TSHZ2: variants seen among roughly 807,000 people sequenced by gnomAD.
TSHZ2 encodes the protein teashirt homolog 2.
In TSHZ2, 21 loss-of-function variants were observed where a neutral mutation model predicts 74.4. The ratio of observed to expected loss-of-function variants is 0.28; its 90% CI spans 0.20 to 0.41. The LOEUF (loss-of-function observed/expected upper bound fraction) is 0.41. Among genes scored for constraint, TSHZ2 ranks in the 10% least tolerant of loss-of-function variants. The pLI is 1.00. For missense variants in TSHZ2, 1,244 were observed against 1,293.5 expected, an observed-to-expected ratio of 0.96 and a Z score of 0.59; for synonymous variants, 540 against 515.3, an observed-to-expected ratio of 1.05 and a Z score of -0.65.
chr20:53,098,627 CT>C (rs1213344015), intron 1 of TSHZ2, among the ~76,000 whole-genome samples: 1 of 152,192 alleles, frequency 6.6e-6, no homozygotes, highest in Non-Finnish European at 1.5e-5. Context: ...AAAAAATGAA[CT>C]GTCTCCAATT....
chr20:53,171,935 A>G (rs1988213184), intron 1 of TSHZ2, among the ~76,000 whole-genome samples: 1 of 152,208 alleles, frequency 6.6e-6, no homozygotes, highest in Admixed American at 6.5e-5. Context: ...TTATAGGTAG[A>G]GTAATAAGTC....
At chr20:53,043,152 G>A (rs990764816) in intron 1 of TSHZ2, among the ~76,000 whole-genome samples, 2 of 152,226 alleles carry the variant, frequency 1.3e-5, no homozygotes, top group Admixed American at 1.3e-4. Context: ...AAAGGTGAAT[G>A]TAAATTTGAT....
At chr20:52,984,396 C>T (rs898388854) in intron 1 of TSHZ2, among the ~76,000 whole-genome samples, 3 of 152,018 alleles carry the variant, frequency 2.0e-5, no homozygotes, top group African/African-American at 7.3e-5. Context: ...TTGGATAAGA[C>T]GATCAGGAAA....
intron 1 of TSHZ2, among the ~76,000 whole-genome samples, chr20:53,073,526 A>G (rs1985267405): frequency 6.6e-6 from 1 of 152,256 alleles, no homozygotes; most frequent in African/African-American, 2.4e-5. Context: ...TGAAGGTTAG[A>G]GTAATTTCTA....
chr20:53,491,481 C>T lies in TSHZ2; in HGVS notation c.*4346C>T, dbSNP rs1318455509. 1.3e-5 allele frequency: 2 copies of T among 152,190 alleles called. No homozygotes were observed. Among genetic ancestry groups the T allele is most frequent in the Non-Finnish European group, 2.9e-5 (2 of 68,032 alleles). 9.4% of individuals were successfully genotyped at this position (152,190 alleles called of 1,614,324 possible). On this transcript the variant is annotated 3_prime_UTR_variant, in exon 3 of 3. Transcript: ENST00000371497. ...AAACATTTTGAAACTTGTGAATCAT[C>T]TTTAGAATTTCTACTGGGGAATTTT...
rs567880792 is a variant in TSHZ2, at chr20:53,221,222, C to T, written c.41-32277C>T. ...TTGTCTTCTGCCATGATTGTGAGGC[C>T]CCCCCCGCCATGTAGAACTGTGAGT... is the stretch of plus-strand genomic sequence containing the variant. On this transcript the variant is annotated intron_variant, in intron 1 of 2. Coordinates refer to ENST00000371497, the MANE Select transcript of TSHZ2 (RefSeq NM_173485.6). Among the ~76,000 whole-genome samples the T allele has an allele frequency of 1.2e-4, 8 of 67,902 alleles. No individual in the cohort carries two copies. The East Asian group carries it at 1.5e-3, about 12-fold the overall frequency. 44.5% of individuals were successfully genotyped at this position (67,902 alleles called of 152,430 possible).
rs1983260565 is a variant in TSHZ2 at position 53,416,539 on chromosome 20, C to CTATA, written c.*9-70604_*9-70601dup. On this transcript the variant is annotated intron_variant, in intron 2 of 2. Coordinates refer to ENST00000371497, the MANE Select transcript of TSHZ2 (RefSeq NM_173485.6). ...TGGGCTAAATCCTACCCAGCACCTG[C>CTATA]TATAAAGTTTCAGGGCACAGTCACA... is the stretch of plus-strand genomic sequence containing the variant. Among the ~76,000 whole-genome samples the CTATA allele has an allele frequency of 2.0e-5, 3 of 152,184 alleles. No individual in the cohort carries two copies. In the South Asian group the frequency reaches 6.2e-4, roughly 31 times the overall value.
At chr20:53,052,599 G>A (rs1984510627) in intron 1 of TSHZ2, among the ~76,000 whole-genome samples, 2 of 152,176 alleles carry the variant, frequency 1.3e-5, no homozygotes, top group South Asian at 4.1e-4. Context: ...ACATCTTCAA[G>A]GTTCTGTGAT....
At chr20:53,386,373 G>A (rs1048101886) in intron 2 of TSHZ2, among the ~76,000 whole-genome samples, 35 of 152,162 alleles carry the variant, frequency 2.3e-4, no homozygotes, top group Non-Finnish European at 5.9e-5. Context: ...AGGAGCTCAC[G>A]GTACAGGAAT....
chr20:53,397,161 A>G (rs1299883536), intron 2 of TSHZ2, among the ~76,000 whole-genome samples: 1 of 152,244 alleles, frequency 6.6e-6, no homozygotes, highest in Admixed American at 6.5e-5. Flanking sequence ...TGCACAGCAA[A>G]AGAAACTATC....
At chr20:53,402,050 C>G (rs985017859) in intron 2 of TSHZ2, among the ~76,000 whole-genome samples, 1 of 151,952 alleles carries the variant, frequency 6.6e-6, no homozygotes, top group Non-Finnish European at 1.5e-5. Flanking sequence ...CTCAAAGTGC[C>G]GGGATTACAG....
At chr20:53,426,805 T>C (rs183303228) in intron 2 of TSHZ2, among the ~76,000 whole-genome samples, 295 of 152,346 alleles carry the variant, frequency 1.9e-3, no homozygotes, top group Middle Eastern at 3.4e-3. Flanking sequence ...ACATCCCTTT[T>C]GTCTTTTTCT....
intron 2 of TSHZ2, among the ~76,000 whole-genome samples, chr20:53,309,971 G>A (rs1978709322): frequency 6.6e-6 from 1 of 152,164 alleles, no homozygotes; most frequent in Non-Finnish European, 1.5e-5. Flanking sequence ...CAAATGAATA[G>A]CTCTGAAAGC....
At chr20:53,151,089 G>A (rs930926930) in intron 1 of TSHZ2, among the ~76,000 whole-genome samples, 2 of 152,208 alleles carry the variant, frequency 1.3e-5, no homozygotes, top group Admixed American at 6.5e-5. Flanking sequence ...ATCATATCAC[G>A]CTCTCTTGAC....
intron 2 of TSHZ2, among the ~76,000 whole-genome samples, chr20:53,290,675 G>C (rs1354078143): frequency 6.6e-6 from 1 of 152,152 alleles, no homozygotes; most frequent in African/African-American, 2.4e-5. Context: ...TTCATTATGG[G>C]TATTACGTGC....
At chr20:53,376,622 C>T (rs1345741651) in intron 2 of TSHZ2, among the ~76,000 whole-genome samples, 1 of 152,238 alleles carries the variant, frequency 6.6e-6, no homozygotes, top group Non-Finnish European at 1.5e-5. Context: ...GAAGCCTTTA[C>T]TTCCAGTTGG....
intron 1 of TSHZ2, among the ~76,000 whole-genome samples, chr20:53,038,256 T>A (rs973286078): frequency 7.0e-6 from 1 of 143,290 alleles, no homozygotes; most frequent in African/African-American, 2.5e-5. Context: ...AATTTGAATG[T>A]TGTACTTGAA....
At chr20:53,388,270 G>A (rs905260425) in intron 2 of TSHZ2, among the ~76,000 whole-genome samples, 2 of 152,190 alleles carry the variant, frequency 1.3e-5, no homozygotes, top group Non-Finnish European at 2.9e-5. Context: ...ATTGTAGGTG[G>A]AGGACACTGA....
intron 2 of TSHZ2, among the ~76,000 whole-genome samples, chr20:53,383,051 C>T (rs939159572): frequency 3.3e-5 from 5 of 152,028 alleles, no homozygotes; most frequent in East Asian, 2.0e-4. Context: ...ACCTGAGGTT[C>T]GGAGGTCGAG....
Sources: gnomAD v4.1 joint callset for allele counts (sites outside exome capture counted in the v4.1 genomes callset) on GRCh38, gnomAD v4.1.1 for gene constraint, MANE v1.5 for transcripts, NCBI Gene and HGNC (gene_info 2026-07-23, HGNC 2026-07-21) for gene names.